MYO18A: variants seen among roughly 807,000 people sequenced by gnomAD.
MYO18A encodes myosin XVIIIA, also known as unconventional myosin-XVIIIa.
In MYO18A, 78 loss-of-function variants were observed where a neutral mutation model predicts 235.8. The observed-to-expected ratio is 0.33, with a 90% CI of 0.28 to 0.40. The LOEUF (loss-of-function observed/expected upper bound fraction) is 0.40. Among genes scored for constraint, MYO18A ranks in the 10% least tolerant of loss-of-function variants. MYO18A has a pLI of 1.00. For missense variants in MYO18A, 2,215 were observed against 2,699.3 expected (o/e 0.82, Z 3.98); for synonymous variants, 977 against 1,077.8 (o/e 0.91, Z 1.83).
chr17:29,096,115 G>GT (rs750389691), intron 28 of MYO18A, among the ~76,000 whole-genome samples: 1 of 152,220 alleles, frequency 6.6e-6, no homozygotes, highest in African/African-American at 2.4e-5. Flanking sequence ...TGTTGTGGGT[G>GT]TGGGGATACC....
At chr17:29,156,976 C>T (rs1054341103) in intron 2 of MYO18A, among the ~76,000 whole-genome samples, 3 of 152,222 alleles carry the variant, frequency 2.0e-5, no homozygotes, top group Middle Eastern at 3.2e-3. Context: ...TTCCACAACA[C>T]ACAGAGGAAA....
chr17:29,094,992 G>GGGCCT lies in MYO18A; in HGVS notation c.4452_4453insAGGCC (p.Gln1485ArgfsTer16). 1 of 1,595,728 alleles carries GGGCCT rather than the reference G, an allele frequency of 6.3e-7. No individual in the cohort carries two copies. Among genetic ancestry groups the GGGCCT allele is most frequent in the Non-Finnish European group, 8.5e-7 (1 of 1,170,044 alleles). ...GCGAGGAGCATGTCCTTCTCCCGCT[G>GGGCCT]CAGCTTCTCCCGCTGCAGCTTCTCC... On this transcript the variant is annotated frameshift_variant, in exon 29 of 42. Coordinates refer to ENST00000527372, the MANE Select transcript of MYO18A (RefSeq NM_078471.4). LOFTEE classifies it high-confidence loss of function.
In MYO18A at chr17:29,073,673, G is replaced by C; in HGVS notation, c.*1097C>G. The C allele has an allele frequency of 1.5e-6, 1 of 669,118 alleles. No homozygotes were observed. Among genetic ancestry groups the C allele is most frequent in the East Asian group, 2.7e-5 (1 of 37,456 alleles). 41.4% of individuals were successfully genotyped at this position (669,118 alleles called of 1,614,324 possible). ...GCTCCCAAGTCTGGTGGAGTTCTCA[G>C]GGATAACCTTTTTAGGGTGGGGGCT... On this transcript the variant is annotated 3_prime_UTR_variant, in exon 42 of 42. Transcript: ENST00000527372.
At chr17:29,093,022 G>A (rs374213888) in intron 32 of MYO18A, 21 bp from the exon 33 acceptor site, 16 of 1,609,764 alleles carry the variant, frequency 9.9e-6, no homozygotes, top group Non-Finnish European at 1.2e-5. Context: ...ACCAGCAGTT[G>A]GGGTTCTGGG....
Position 29,165,983 on chromosome 17 carries a change from A to C in MYO18A, c.958T>G (p.Trp320Gly). The C allele has an allele frequency of 6.2e-7, 1 of 1,613,520 alleles. No individual in the cohort carries two copies. Among genetic ancestry groups the C allele is most frequent in the Non-Finnish European group, 8.5e-7 (1 of 1,179,876 alleles). The stretch of plus-strand genomic sequence containing the variant: ...CGAGGTCCCTCGCCGCTCCGCAGCC[A>C]GCTCCTGCTGAGCTCGCTGAGCTCT... ...IPELSELSRS[W>G]LRSGEGPRRE... The change falls in exon 2 of 42, where the codon TGG (tryptophan) becomes GGG (glycine). Residue 320 changes from tryptophan (W) to glycine (G), a missense_variant. Coordinates refer to ENST00000527372, the MANE Select transcript of MYO18A (RefSeq NM_078471.4).
At chr17:29,135,646 GC>G (rs564257983) in intron 2 of MYO18A, among the ~76,000 whole-genome samples, 54 of 152,310 alleles carry the variant, frequency 3.5e-4, no homozygotes, top group African/African-American at 1.2e-3. Flanking sequence ...AGGACACCGG[GC>G]CATTTCCACC....
At chr17:29,103,513 G>T in intron 21 of MYO18A, 86 bp downstream of exon 21, 1 of 1,344,072 alleles carries the variant, frequency 7.4e-7, no homozygotes, top group South Asian at 1.2e-5. Flanking sequence ...ATGTCTGGCT[G>T]AGCAAAGAGA....
At chr17:29,104,365 T>C (rs996585209) in intron 20 of MYO18A, among the ~76,000 whole-genome samples, 11 of 152,130 alleles carry the variant, frequency 7.2e-5, no homozygotes, top group African/African-American at 2.7e-4. Context: ...GATACGGGGA[T>C]AGGGTATGTA....
intron 7 of MYO18A, 118 bp from the exon 8 acceptor site, chr17:29,119,553 AT>A (rs11349517): frequency 0.4 from 171,353 of 431,446 alleles, 14,733 homozygotes; most frequent in East Asian, 0.5. Flanking sequence ...AAGCAGCTGC[AT>A]TTTTTTTTTT....
Position 29,111,428 on chromosome 17 carries a change from G to T in MYO18A, c.2896C>A (p.Gln966Lys). 6.2e-7 allele frequency: 1 copy of T among 1,612,084 alleles called. No homozygotes were observed. The highest frequency in any genetic ancestry group is 1.1e-5 in the South Asian group (1 of 90,582). Residue 966 changes from glutamine to lysine, a missense_variant, in exon 17 of 42, where the codon CAG becomes AAG. By Grantham distance (53) the Gln-to-Lys change is moderately conservative. Transcript: ENST00000527372. The surrounding 1 kb of genome is among the most constrained non-coding windows in gnomAD (Gnocchi z 5.1). ...CGGAGGGAGTGGTGGTCTTACTTCTGGGAGTCCTGCAGGAGCCGGGGGGCA... is the reference window on the plus strand; with the variant it reads ...CGGAGGGAGTGGTGGTCTTACTTCTTGGAGTCCTGCAGGAGCCGGGGGGCA... ...QNAPRLLQDS[Q>K]KKIISNLFLG...
chr17:29,093,907 G>A lies in MYO18A; in HGVS notation c.4821+73C>T. 3 of 1,122,932 alleles carry A rather than the reference G, an allele frequency of 2.7e-6. No individual in the cohort carries two copies. The South Asian group carries it at 4.3e-5, about 16-fold the overall frequency. The allele number at this position is 1,122,932 out of a possible 1,614,324, so 69.6% of individuals were successfully genotyped here. On this transcript the variant is annotated intron_variant, in intron 31 of 41. Coordinates refer to ENST00000527372, the MANE Select transcript of MYO18A (RefSeq NM_078471.4). ...ACGATGTGGCTGAGGTAGGGAGGTG[G>A]AAAGCCCCTTACTTTAAAGCGGTGA...
At chr17:29,112,808 C>T (rs1055424754) in intron 15 of MYO18A, among the ~76,000 whole-genome samples, 2 of 152,226 alleles carry the variant, frequency 1.3e-5, no homozygotes, top group East Asian at 1.9e-4. Context: ...ATCTCCTCCC[C>T]GCAGATGCCC....
At chr17:29,103,455 G>T in intron 21 of MYO18A, 144 bp downstream of exon 21, 1 of 778,240 alleles carries the variant, frequency 1.3e-6, no homozygotes, top group Non-Finnish European at 2.1e-6. Context: ...GAGTGGCTGG[G>T]CGGGGTGGAG....
Position 29,086,762 on chromosome 17 carries a change from C to G in MYO18A, c.5712+174G>C, listed in dbSNP as rs193051398. 1.6e-4 allele frequency: 174 copies of G among 1,110,254 alleles called. No individual in the cohort carries two copies. In the African/African-American group the frequency reaches 2.6e-3, roughly 17 times the overall value. The allele number at this position is 1,110,254 out of a possible 1,614,324, so 68.8% of individuals were successfully genotyped here. A position where few individuals can be genotyped will look rare whatever the true frequency, so the allele number is the denominator to read the frequency against. On this transcript the variant is annotated intron_variant, in intron 38 of 41. Transcript: ENST00000527372. Reference sequence around the variant, plus strand: ...GTCCAAGCCTCATCTGAGGGAGTCTCCAGTGCCGCTAGCTTCCTGGCCTGC... The same window carrying G: ...GTCCAAGCCTCATCTGAGGGAGTCTGCAGTGCCGCTAGCTTCCTGGCCTGC...
chr17:29,167,545 C>T (rs987184855), intron 1 of MYO18A, among the ~76,000 whole-genome samples: 1 of 151,924 alleles, frequency 6.6e-6, no homozygotes, highest in African/African-American at 2.4e-5. Flanking sequence ...GACCCTATCT[C>T]TAAAAAAAAT....
chr17:29,124,706 A>T (rs1422016675), intron 2 of MYO18A: 1 of 1,280,474 alleles, frequency 7.8e-7, no homozygotes, highest in Non-Finnish European at 1.0e-6. Context: ...CAGCAAGCAA[A>T]GGAGAGAGAG....
rs2067316694 is a variant in MYO18A at position 29,126,194 on chromosome 17, G to A, written c.1000-3941C>T. ...ACCTGCCTATCTTGAGCACCAAATG[G>A]CCCTATTATCCCACTTGCCCTCTGG... On this transcript the variant is annotated intron_variant, in intron 2 of 41. Transcript: ENST00000527372. The surrounding 1 kb of genome is among the most constrained non-coding windows in gnomAD (Gnocchi z 4.1). Among the ~76,000 whole-genome samples, 2 of 152,138 alleles carry A rather than the reference G, an allele frequency of 1.3e-5. No homozygotes were observed.
intron 40 of MYO18A, among the ~76,000 whole-genome samples, chr17:29,085,239 C>G (rs2152734086): frequency 6.6e-6 from 1 of 152,380 alleles, no homozygotes; most frequent in Middle Eastern, 3.4e-3. Flanking sequence ...CCCAAACAGA[C>G]TTTTCCCCCC....
chr17:29,150,080 G>C (rs888776818), intron 2 of MYO18A, among the ~76,000 whole-genome samples: 2 of 152,250 alleles, frequency 1.3e-5, no homozygotes, highest in African/African-American at 4.8e-5. Context: ...GAGAGATGGA[G>C]GCCTGTGGTG....
Sources: allele counts gnomAD v4.1 joint callset (sites outside exome capture counted in the v4.1 genomes callset), GRCh38; gene constraint gnomAD v4.1.1; non-coding constraint Gnocchi (gnomAD v3.1); transcripts MANE v1.5; gene names NCBI Gene and HGNC (gene_info 2026-07-23, HGNC 2026-07-21).